CAST: variants seen among roughly 807,000 people sequenced by gnomAD.
CAST encodes the protein MIR583 host.
A neutral mutation model predicts 119.6 loss-of-function variants in CAST; 76 were observed. The observed-to-expected ratio is 0.64, with a 90% confidence interval of 0.53 to 0.77. The LOEUF is 0.77. Among genes scored for constraint, CAST ranks in the 30% least tolerant of loss-of-function variants. CAST has a pLI of 0.00. For missense variants in CAST, 953 were observed against 946.5 expected (o/e 1.01, Z -0.09); for synonymous variants, 319 against 331.6 (o/e 0.96, Z 0.41).
chr5:96,455,545 A>G, the CAST span, among the ~76,000 whole-genome samples: 1 of 152,214 alleles, frequency 6.6e-6, no homozygotes, highest in Non-Finnish European at 1.5e-5. Context: ...CTTAGTTGCA[A>G]CAGCTAAGGA....
At chr5:95,989,994 A>G in the CAST span, among the ~76,000 whole-genome samples, 1 of 152,302 alleles carries the variant, frequency 6.6e-6, no homozygotes, top group Non-Finnish European at 1.5e-5. Context: ...TCAAAACTAG[A>G]AAGCTTTTTA....
the CAST span, among the ~76,000 whole-genome samples, chr5:96,183,563 T>C: frequency 3.2e-4 from 48 of 152,296 alleles, no homozygotes; most frequent in Non-Finnish European, 5.6e-4. Flanking sequence ...GCATTACTTC[T>C]TTTTTATTAT....
chr5:96,694,746 A>C (rs1329822045), intron 2 of CAST, among the ~76,000 whole-genome samples: 1 of 152,190 alleles, frequency 6.6e-6, no homozygotes, highest in Non-Finnish European at 1.5e-5. Context: ...TGAGGAAGCA[A>C]CTGTGTATTT....
chr5:96,527,398 T>C (rs772741657), upstream of CAST, among the ~76,000 whole-genome samples: 15 of 152,332 alleles, frequency 9.8e-5, no homozygotes, highest in Non-Finnish European at 1.9e-4. Context: ...TCTGTTAGCA[T>C]AGTGAGTTTG....
the CAST span, among the ~76,000 whole-genome samples, chr5:96,050,909 A>T: frequency 1.8e-4 from 27 of 152,240 alleles, no homozygotes; most frequent in South Asian, 5.6e-3. Flanking sequence ...CAACTTTTAA[A>T]AACCTAATTA....
the CAST span, among the ~76,000 whole-genome samples, chr5:96,515,142 G>A: frequency 6.6e-6 from 1 of 150,404 alleles, no homozygotes; most frequent in African/African-American, 2.4e-5. Context: ...TTTCTTAAAC[G>A]CAGAAGGATG....
At chr5:96,556,695 A>T (rs1226590059) in intron 1 of CAST, among the ~76,000 whole-genome samples, 1 of 152,228 alleles carries the variant, frequency 6.6e-6, no homozygotes, top group Non-Finnish European at 1.5e-5. Flanking sequence ...GCCTCCAAGA[A>T]ATATGGGACT....
chr5:96,422,135 G>A, the CAST span, among the ~76,000 whole-genome samples: 6 of 151,918 alleles, frequency 3.9e-5, no homozygotes, highest in Non-Finnish European at 7.4e-5. Context: ...CACAAACCAG[G>A]CAGAGATGAT....
chr5:96,241,294 T>C, the CAST span, among the ~76,000 whole-genome samples: 1 of 148,278 alleles, frequency 6.7e-6, no homozygotes, highest in African/African-American at 2.5e-5. Flanking sequence ...TTCCCACCTA[T>C]GAGTGAGAAT....
the CAST span, among the ~76,000 whole-genome samples, chr5:96,384,023 C>T: frequency 1.0e-3 from 156 of 152,182 alleles, no homozygotes; most frequent in African/African-American, 3.4e-3. Flanking sequence ...AACTGGAGAG[C>T]TCTTTCAGAA....
the CAST span, among the ~76,000 whole-genome samples, chr5:96,067,895 C>T: frequency 2.6e-5 from 4 of 151,770 alleles, no homozygotes; most frequent in Admixed American, 2.0e-4. Flanking sequence ...AACTTGCTTA[C>T]ACAGTTCCTG....
the CAST span, among the ~76,000 whole-genome samples, chr5:96,161,784 T>A: frequency 6.6e-6 from 1 of 152,220 alleles, no homozygotes; most frequent in Admixed American, 6.5e-5. Flanking sequence ...TGTCTTTAAT[T>A]TCTTTCAACA....
the CAST span, among the ~76,000 whole-genome samples, chr5:96,232,108 A>G: frequency 6.6e-6 from 1 of 152,128 alleles, no homozygotes; most frequent in African/African-American, 2.4e-5. Context: ...ATTTAGCTAG[A>G]AAAGTACTTA....
At chr5:96,006,447 G>A in the CAST span, among the ~76,000 whole-genome samples, 1 of 152,050 alleles carries the variant, frequency 6.6e-6, no homozygotes, top group Non-Finnish European at 1.5e-5. Flanking sequence ...AAGCCATCCT[G>A]TCCAAGCCCA....
At chr5:96,552,307 C>A (rs1358808889) in intron 1 of CAST, among the ~76,000 whole-genome samples, 2 of 152,152 alleles carry the variant, frequency 1.3e-5, no homozygotes, top group African/African-American at 2.4e-5. Context: ...ACAACCTGCT[C>A]CTGAACGACT....
intron 1 of CAST, among the ~76,000 whole-genome samples, chr5:96,560,702 A>G: frequency 6.6e-6 from 1 of 151,948 alleles, no homozygotes; most frequent in East Asian, 1.9e-4. Context: ...TCAGGAAACA[A>G]CAGGTGCTGG....
chr5:96,747,315 A>T, intron 17 of CAST, 30 bp from the exon 18 acceptor site: 1 of 1,491,634 alleles, frequency 6.7e-7, no homozygotes, highest in Non-Finnish European at 9.3e-7. Context: ...TTTCTATTTC[A>T]TTTCCAATGA....
intron 2 of CAST, among the ~76,000 whole-genome samples, chr5:96,693,662 C>T (rs557662550): frequency 6.6e-6 from 1 of 152,310 alleles, no homozygotes; most frequent in East Asian, 1.9e-4. Context: ...GTATTCTTGT[C>T]TTTATGTCTT....
intron 24 of CAST, among the ~76,000 whole-genome samples, chr5:96,758,902 C>T (rs1166726571): frequency 6.6e-6 from 1 of 152,150 alleles, no homozygotes; most frequent in Non-Finnish European, 1.5e-5. Flanking sequence ...TAGCATTACA[C>T]TGAGGCAGAA....
Sources: gnomAD v4.1 joint callset for allele counts (sites outside exome capture counted in the v4.1 genomes callset) on GRCh38, gnomAD v4.1.1 for gene constraint, MANE v1.5 for transcripts, NCBI Gene and HGNC (gene_info 2026-07-23, HGNC 2026-07-21) for gene names.